The following FEN1 variants were observed in gnomAD, a reference collection of about 807,000 sequenced individuals.
FEN1 encodes flap endonuclease 1.
Under a neutral mutation model 24.7 loss-of-function variants are expected in FEN1, and 19 were observed. The observed-to-expected ratio is 0.77, with a 90% CI of 0.54 to 1.13. The LOEUF is 1.13. FEN1 is among the 50% of genes most tolerant of loss of function. FEN1 has a pLI of 0.00. For synonymous variants in FEN1, 155 were observed against 189.2 expected, an observed-to-expected ratio of 0.82 and a Z score of 1.48; for missense variants, 339 against 488.7, an observed-to-expected ratio of 0.69 and a Z score of 2.89.
chr11:61,796,025 C>T lies in FEN1; in HGVS notation c.664C>T (p.Gln222Ter), dbSNP rs2135929627. The change falls in exon 2 of 2, where the codon CAG becomes TAG. Residue 222 changes from glutamine (Q) to a stop codon, truncating the protein, a stop_gained. Transcript: ENST00000305885. LOFTEE classifies it high-confidence loss of function. ...GCAGGAGCTGGGCCTGAACCAGGAA[C>T]AGTTTGTGGATCTGTGCATCCTGCT... ...ILQELGLNQE[Q>*]FVDLCILLGS... 1.2e-6 allele frequency: 2 copies of T among 1,614,196 alleles called. No individual in the cohort carries two copies. Among genetic ancestry groups the T allele is most frequent in the Non-Finnish European group, 1.7e-6 (2 of 1,180,044 alleles).
In FEN1 at chr11:61,797,144, A is replaced by C. The variant is rs2135930140; in HGVS notation, c.*640A>C. 6.0e-6 allele frequency: 1 copy of C among 167,468 alleles called. No individual in the cohort carries two copies. Among genetic ancestry groups the C allele is most frequent in the South Asian group, 2.1e-4 (1 of 4,832 alleles). The allele number at this position is 167,468 out of a possible 1,614,324, so 10.4% of individuals were successfully genotyped here. On this transcript the variant is annotated 3_prime_UTR_variant, in exon 2 of 2. Transcript: ENST00000305885. ...AGATGGTGATGTTCACCTGGCAATC[A>C]GCTGAGTTGAGACTTTGGAATAAGA...
chr11:61,793,361 C>T (rs1428035200), intron 1 of FEN1, among the ~76,000 whole-genome samples: 1 of 152,232 alleles, frequency 6.6e-6, no homozygotes, highest in African/African-American at 2.4e-5. Context: ...GTCTGGTCCT[C>T]AGTCCACACT....
rs2066816499 is a variant in FEN1 at position 61,795,860 on chromosome 11, G to T, written c.499G>T (p.Val167Leu). 2 of 1,613,882 alleles carry T rather than the reference G, an allele frequency of 1.2e-6. No individual in the cohort carries two copies. The highest frequency in any genetic ancestry group is 1.3e-5 in the African/African-American group (1 of 74,934). The change falls in exon 2 of 2, where the codon GTG (valine) becomes TTG (leucine). Residue 167 changes from valine (V) to leucine (L), a missense_variant. Around this residue, in one of 3 missense-constraint regions of FEN1, gnomAD observed 216 missense variants for 329.7 expected, o/e 0.66. Coordinates refer to ENST00000305885, the MANE Select transcript of FEN1 (RefSeq NM_004111.6). The surrounding 1 kb of genome is among the most constrained non-coding windows in gnomAD (Gnocchi z 4.1). Reference protein sequence around the residue: ...SEAEASCAALVKAGKVYAAAT... With the variant: ...SEAEASCAALLKAGKVYAAAT... ...GGCAGAGGCCAGCTGTGCTGCCCTG[G>T]TGAAGGCTGGCAAAGTCTATGCTGC... is the stretch of plus-strand genomic sequence containing the variant.
At position 61,793,046 on chromosome 11, in the gene FEN1, G is replaced by A. The variant is rs1303986121; in HGVS notation, c.-22+18G>A. ...AAGGCCAGGTGAGACCCCATGGGAAGCGCCTCCGGGAGCGACGGGGTCCGC... is the reference window on the plus strand; with the variant it reads ...AAGGCCAGGTGAGACCCCATGGGAAACGCCTCCGGGAGCGACGGGGTCCGC... On this transcript the variant is annotated intron_variant, in intron 1 of 1. Coordinates refer to ENST00000305885, the MANE Select transcript of FEN1 (RefSeq NM_004111.6). 6.2e-6 allele frequency: 1 copy of A among 160,736 alleles called. No homozygotes were observed. 10.0% of individuals were successfully genotyped at this position (160,736 alleles called of 1,614,324 possible).
rs890830240 is a variant in FEN1 at position 61,796,258 on chromosome 11, C to A, written c.897C>A (p.Ser299Arg). ...LDPESVELKW[S>R]EPNEEELIKF... ...CAGAGTCTGTGGAGCTGAAGTGGAG[C>A]GAGCCAAATGAAGAAGAGCTGATCA... The change falls in exon 2 of 2, where the codon AGC becomes AGA. Residue 299 changes from serine to arginine, a missense_variant. Ser to Arg is a moderately radical substitution (Grantham distance 110). This residue lies in a region of FEN1 where 70 missense variants were observed against 64.9 expected (regional missense o/e 1.08). Transcript: ENST00000305885. 1 of 1,612,536 alleles carries A rather than the reference C, an allele frequency of 6.2e-7. No individual in the cohort carries two copies. Among genetic ancestry groups the A allele is most frequent in the Non-Finnish European group, 8.5e-7 (1 of 1,180,036 alleles).
chr11:61,796,174 A>G lies in FEN1; in HGVS notation c.813A>G (p.Pro271=), dbSNP rs2066818365. The G allele has an allele frequency of 6.2e-7, 1 of 1,613,860 alleles. No homozygotes were observed. Among genetic ancestry groups the G allele is most frequent in the South Asian group, 1.1e-5 (1 of 91,076 alleles). ...TTGACCCCAACAAGTACCCTGTGCC[A>G]GAAAATTGGCTCCACAAGGAGGCTC... ...RRLDPNKYPV[P]ENWLHKEAHQ... Residue 271 remains proline, a synonymous_variant, in exon 2 of 2, where the codon CCA becomes CCG. Transcript: ENST00000305885.
chr11:61,793,781 A>G (rs556050352), intron 1 of FEN1, among the ~76,000 whole-genome samples: 2 of 152,290 alleles, frequency 1.3e-5, no homozygotes, highest in African/African-American at 4.8e-5. Flanking sequence ...GAGATCCCAG[A>G]ATGTAGGGTT....
At chr11:61,794,343 ATT>A (rs35101797) in intron 1 of FEN1, among the ~76,000 whole-genome samples, 3 of 144,028 alleles carry the variant, frequency 2.1e-5, no homozygotes, top group Admixed American at 7.0e-5. Context: ...CACCCAGCTA[ATT>A]TTTTTTTTTT....
Position 61,796,687 on chromosome 11 carries a change from A to C in FEN1, c.*183A>C. On this transcript the variant is annotated 3_prime_UTR_variant, in exon 2 of 2. Coordinates refer to ENST00000305885, the MANE Select transcript of FEN1 (RefSeq NM_004111.6). ...TTAATGGCAAGAAGGCCACAGAGGT[A>C]CTTTTCCTTTTTTAGCTCAGGAAAA... The C allele has an allele frequency of 1.5e-6, 1 of 687,332 alleles. No homozygotes were observed. The highest frequency in any genetic ancestry group is 2.4e-6 in the Non-Finnish European group (1 of 414,976). The allele number at this position is 687,332 out of a possible 1,614,324, so 42.6% of individuals were successfully genotyped here.
In FEN1 at chr11:61,797,145, G is replaced by C. The variant is rs2135930142; in HGVS notation, c.*641G>C. The C allele has an allele frequency of 6.0e-6, 1 of 167,442 alleles. No individual in the cohort carries two copies. Among genetic ancestry groups the C allele is most frequent in the South Asian group, 2.1e-4 (1 of 4,830 alleles). 10.4% of individuals were successfully genotyped at this position (167,442 alleles called of 1,614,324 possible). ...GATGGTGATGTTCACCTGGCAATCA[G>C]CTGAGTTGAGACTTTGGAATAAGAC... On this transcript the variant is annotated 3_prime_UTR_variant, in exon 2 of 2. Transcript: ENST00000305885.
At position 61,796,088 on chromosome 11, in the gene FEN1, C is replaced by G; in HGVS notation, c.727C>G (p.Pro243Ala). ...DYCESIRGIG[P>A]KRAVDLIQKH... ...CTGTGAGAGTATCCGGGGTATTGGG[C>G]CCAAGCGGGCTGTGGACCTCATCCA... Residue 243 changes from proline (P) to alanine (A), a missense_variant, in exon 2 of 2, where the codon CCC becomes GCC. This residue lies in a region of FEN1 where 216 missense variants were observed against 329.7 expected (regional missense o/e 0.66). Transcript: ENST00000305885. 3.1e-6 allele frequency: 5 copies of G among 1,614,132 alleles called. No individual in the cohort carries two copies. Among genetic ancestry groups the G allele is most frequent in the Non-Finnish European group, 4.2e-6 (5 of 1,180,022 alleles).
Position 61,796,637 on chromosome 11 carries a change from G to A in FEN1, c.*133G>A. 2.0e-6 allele frequency: 2 copies of A among 980,024 alleles called. No individual in the cohort carries two copies. The highest frequency in any genetic ancestry group is 1.8e-5 in the South Asian group (1 of 55,744). 60.7% of individuals were successfully genotyped at this position (980,024 alleles called of 1,614,324 possible). ...TTTTCTAGCGTGACCCTTTTCAGTA[G>A]TGCTAGTCCCTTTTTTACTTGATCT... On this transcript the variant is annotated 3_prime_UTR_variant, in exon 2 of 2. Transcript: ENST00000305885.
At position 61,792,933 on chromosome 11, in the gene FEN1, C is replaced by T. The variant is rs1023574255; in HGVS notation, c.-117C>T. Reference sequence around the variant, plus strand: ...GGCGGCTGAACGTCAGGCCACCCGCCGCTAAGCTGAGAAGGGAGAGCGAGC... The same window carrying T: ...GGCGGCTGAACGTCAGGCCACCCGCTGCTAAGCTGAGAAGGGAGAGCGAGC... On this transcript the variant is annotated 5_prime_UTR_variant, in exon 1 of 2. Coordinates refer to ENST00000305885, the MANE Select transcript of FEN1 (RefSeq NM_004111.6). 7.2e-5 allele frequency: 20 copies of T among 278,430 alleles called. No individual in the cohort carries two copies. Among genetic ancestry groups the T allele is most frequent in the Non-Finnish European group, 1.2e-4 (17 of 140,180 alleles). 17.2% of individuals were successfully genotyped at this position (278,430 alleles called of 1,614,324 possible).
Position 61,795,707 on chromosome 11 carries a change from G to C in FEN1, c.346G>C (p.Ala116Pro). Residue 116 changes from alanine to proline, a missense_variant, in exon 2 of 2, where the codon GCT (alanine) becomes CCT (proline). Transcript: ENST00000305885. The surrounding 1 kb of genome is among the most constrained non-coding windows in gnomAD (Gnocchi z 4.1). ...AGAGAAGCAGCTGCAGCAGGCTCAGGCTGCTGGGGCCGAGCAGGAGGTGGA... is the reference window on the plus strand; with the variant it reads ...AGAGAAGCAGCTGCAGCAGGCTCAGCCTGCTGGGGCCGAGCAGGAGGTGGA... ...EAEKQLQQAQ[A>P]AGAEQEVEKF... The C allele has an allele frequency of 1.2e-6, 2 of 1,613,894 alleles. No homozygotes were observed. The highest frequency in any genetic ancestry group is 1.7e-6 in the Non-Finnish European group (2 of 1,179,980).
intron 1 of FEN1, among the ~76,000 whole-genome samples, chr11:61,794,356 T>G (rs1335397848): frequency 2.0e-5 from 3 of 152,094 alleles, no homozygotes; most frequent in South Asian, 4.1e-4. Flanking sequence ...TTTTTTTTTT[T>G]TGTATTTTTA....
intron 1 of FEN1, among the ~76,000 whole-genome samples, chr11:61,793,375 G>T (rs2066800654): frequency 6.6e-6 from 1 of 152,228 alleles, no homozygotes; most frequent in Non-Finnish European, 1.5e-5. Context: ...CCACACTCCA[G>T]CAGCGCGGCC....
In FEN1 at chr11:61,796,183, G is replaced by C; in HGVS notation, c.822G>C (p.Trp274Cys). Residue 274 changes from tryptophan (W) to cysteine (C), a missense_variant, in exon 2 of 2, where the codon TGG (tryptophan) becomes TGC (cysteine). Transcript: ENST00000305885. ...ACAAGTACCCTGTGCCAGAAAATTG[G>C]CTCCACAAGGAGGCTCACCAGCTCT... ...DPNKYPVPEN[W>C]LHKEAHQLFL... is the part of the protein sequence containing the mutation. 6.2e-7 allele frequency: 1 copy of C among 1,613,766 alleles called. No homozygotes were observed. The highest frequency in any genetic ancestry group is 1.7e-5 in the Admixed American group (1 of 60,024).
chr11:61,794,265 C>T (rs2066807475), intron 1 of FEN1, among the ~76,000 whole-genome samples: 1 of 152,218 alleles, frequency 6.6e-6, no homozygotes, highest in African/African-American at 2.4e-5. Flanking sequence ...CATTCTCTGC[C>T]TCCTGGGTTC....
intron 1 of FEN1, among the ~76,000 whole-genome samples, chr11:61,794,941 G>T (rs2066811162): frequency 6.6e-6 from 1 of 152,174 alleles, no homozygotes. Context: ...TGTTTGTTTA[G>T]CTGGTGTATT....
Sources: gnomAD v4.1 joint callset for allele counts (sites outside exome capture counted in the v4.1 genomes callset) on GRCh38, gnomAD v4.1.1 for gene constraint, gnomAD v4.1.1 regional missense constraint, Gnocchi (gnomAD v3.1) non-coding constraint, MANE v1.5 for transcripts, NCBI Gene and HGNC (gene_info 2026-07-23, HGNC 2026-07-21) for gene names.